Variants in PCDH1 observed in about 807,000 individuals in gnomAD.
PCDH1 encodes protocadherin-1.
A neutral mutation model predicts 74.6 loss-of-function variants in PCDH1; 23 were observed. That is an observed-to-expected ratio of 0.31 (90% CI 0.22 to 0.44). The LOEUF is 0.44. Among genes scored for constraint, PCDH1 ranks in the 20% least tolerant of loss-of-function variants. PCDH1 has a pLI of 1.00. For synonymous variants in PCDH1, 647 were observed against 686.1 expected (o/e 0.94, Z 0.89); for missense variants, 1,214 against 1,641.4 (o/e 0.74, Z 4.50).
At chr5:141,862,646 C>G in intron 3 of PCDH1, 1 of 986,040 alleles carries the variant, frequency 1.0e-6, no homozygotes, top group Non-Finnish European at 1.2e-6. Context: ...AATAAGAAAC[C>G]AAAACTCCAA....
At position 141,854,236 on chromosome 5, in the gene PCDH1, G is replaced by C. The variant is rs1350267982; in HGVS notation, c.3520C>G (p.Pro1174Ala). 1.2e-6 allele frequency: 2 copies of C among 1,611,890 alleles called. No individual in the cohort carries two copies. The highest frequency in any genetic ancestry group is 1.1e-5 in the South Asian group (1 of 90,840). ...QEPAGAGSPS[P>A]PEDRNTKTAP... ...GTTTTGGTGTTCCGGTCTTCCGGGG[G>C]GCTGGGGCTGCCGGCGCCCGCAGGC... Residue 1174 changes from proline to alanine, a missense_variant, in exon 5 of 5, where the codon CCC (proline) becomes GCC (alanine). Around this residue, in one of 4 missense-constraint regions of PCDH1, gnomAD observed 194 missense variants for 198.3 expected, o/e 0.98. Coordinates refer to ENST00000287008, the MANE Select transcript of PCDH1 (RefSeq NM_032420.5).
intron 1 of PCDH1, among the ~76,000 whole-genome samples, chr5:141,873,124 T>C (rs1356741109): frequency 6.6e-6 from 1 of 151,750 alleles, no homozygotes; most frequent in Non-Finnish European, 1.5e-5. Context: ...CCTGAGGTCC[T>C]GCAAACTCTT....
intron 1 of PCDH1, among the ~76,000 whole-genome samples, chr5:141,871,085 T>C (rs1753082844): frequency 6.6e-6 from 1 of 152,222 alleles, no homozygotes; most frequent in South Asian, 2.1e-4. Flanking sequence ...CCCGCCTGTG[T>C]TGTTCAGCTT....
chr5:141,864,682 G>T lies in PCDH1; in HGVS notation c.1649C>A (p.Ala550Asp), dbSNP rs571086743. The T allele has an allele frequency of 8.1e-6, 13 of 1,614,094 alleles. 1 individual carries two copies. In the South Asian group the frequency reaches 1.4e-4, roughly 18 times the overall value. The change falls in exon 3 of 5, where the codon GCT (alanine) becomes GAT (aspartate). Residue 550 changes from alanine to aspartate, a missense_variant. Transcript: ENST00000287008. This position sits in a 1 kb window ranked among gnomAD's most constrained non-coding sequence, Gnocchi z 5.9. Reference sequence around the variant, plus strand: ...TGAGATGGTGAAGAGGCCCTTAGCAGCCGGCTCAGGCTCCAGAGAGTAAAC... The same window carrying T: ...TGAGATGGTGAAGAGGCCCTTAGCATCCGGCTCAGGCTCCAGAGAGTAAAC... ...ELVYSLEPEPAAKGLFTISPE... is the reference protein window; with the variant it reads ...ELVYSLEPEPDAKGLFTISPE...
chr5:141,875,527 C>G (rs1051367436), intron 1 of PCDH1, among the ~76,000 whole-genome samples: 1 of 152,010 alleles, frequency 6.6e-6, no homozygotes. Context: ...CTCGCGGCCC[C>G]CTCCTGGCCC....
In PCDH1 at chr5:141,868,445, A is replaced by C. The variant is rs1291606834; in HGVS notation, c.903+124T>G. On this transcript the variant is annotated intron_variant, in intron 2 of 4. Coordinates refer to ENST00000287008, the MANE Select transcript of PCDH1 (RefSeq NM_032420.5). The surrounding 1 kb of genome is among the most constrained non-coding windows in gnomAD (Gnocchi z 4.8). ...GACTCCCCTGGCTGAGTTTGGGGAG[A>C]AGGGGTCTCACTACAGTATTCTGGC... 7.0e-7 allele frequency: 1 copy of C among 1,437,622 alleles called. No individual in the cohort carries two copies. The highest frequency in any genetic ancestry group is 9.1e-7 in the Non-Finnish European group (1 of 1,098,664). The allele number at this position is 1,437,622 out of a possible 1,614,324, so 89.1% of individuals were successfully genotyped here.
chr5:141,864,000 C>A lies in PCDH1; in HGVS notation c.2331G>T (p.Glu777Asp). Residue 777 changes from glutamate to aspartate, a missense_variant, in exon 3 of 5, where the codon GAG (glutamate) becomes GAT (aspartate). Physicochemically the swap from Glu to Asp is conservative, Grantham distance 45 (BLOSUM62 2). Transcript: ENST00000287008. The surrounding 1 kb of genome is among the most constrained non-coding windows in gnomAD (Gnocchi z 7.5). ...CATGGTGGCGCCGCTCAATCTCCTT[C>A]TCCAGGGTGATGGCACCTGAATGTG... is the stretch of plus-strand genomic sequence containing the variant. ...IGSHSGAITL[E>D]KEIERRHHGL... The A allele has an allele frequency of 1.9e-6, 3 of 1,613,950 alleles. No homozygotes were observed. Among genetic ancestry groups the A allele is most frequent in the Non-Finnish European group, 2.5e-6 (3 of 1,179,966 alleles).
intron 4 of PCDH1, 150 bp downstream of exon 4, chr5:141,857,102 T>G: frequency 3.3e-6 from 2 of 604,288 alleles, no homozygotes; most frequent in South Asian, 2.7e-5. Flanking sequence ...TTCTGGGGAT[T>G]AAATGCGTGT....
At chr5:141,861,161 A>C (rs1752549454) in intron 3 of PCDH1, among the ~76,000 whole-genome samples, 1 of 151,386 alleles carries the variant, frequency 6.6e-6, no homozygotes, top group Admixed American at 6.6e-5. Flanking sequence ...GTAGCAGTAG[A>C]AGTAGTTTCA....
intron 4 of PCDH1, among the ~76,000 whole-genome samples, chr5:141,856,798 A>G (rs1250493015): frequency 6.6e-6 from 1 of 152,044 alleles, no homozygotes; most frequent in Non-Finnish European, 1.5e-5. Context: ...TCCAGGGCCC[A>G]ATCTCTATTC....
At chr5:141,854,702 G>C (rs866431014) in intron 4 of PCDH1, among the ~76,000 whole-genome samples, 4 of 151,940 alleles carry the variant, frequency 2.6e-5, no homozygotes, top group Non-Finnish European at 2.9e-5. Context: ...ATGGAGTCTT[G>C]CTCTTGTCAC....
intron 1 of PCDH1, among the ~76,000 whole-genome samples, chr5:141,877,142 CGA>C (rs566574009): frequency 2.0e-5 from 3 of 152,174 alleles, no homozygotes; most frequent in South Asian, 4.1e-4. Context: ...ATCTGGACTC[CGA>C]GAGAGAGGAA....
chr5:141,877,923 C>T (rs1753280634), intron 1 of PCDH1, among the ~76,000 whole-genome samples: 2 of 152,208 alleles, frequency 1.3e-5, no homozygotes, highest in South Asian at 4.1e-4. Context: ...GCCGCGCGCT[C>T]CTGGAGTCTC....
intron 1 of PCDH1, among the ~76,000 whole-genome samples, chr5:141,872,424 T>C (rs1753117576): frequency 6.6e-6 from 1 of 152,272 alleles, no homozygotes; most frequent in African/African-American, 2.4e-5. Flanking sequence ...TCGAGGATAC[T>C]TAAGATAGTT....
chr5:141,878,077 G>A lies in PCDH1; in HGVS notation c.40+146C>T, dbSNP rs11956238. On this transcript the variant is annotated intron_variant, in intron 1 of 4. Coordinates refer to ENST00000287008, the MANE Select transcript of PCDH1 (RefSeq NM_032420.5). This position sits in a 1 kb window ranked among gnomAD's most constrained non-coding sequence, Gnocchi z 5.5. ...CCGCATCCCCTGCTATGGGCTCCCA[G>A]CAGCCCCCACCTCAGCCCCCTCGCG... 1 of 651,832 alleles carries A rather than the reference G, an allele frequency of 1.5e-6. No homozygotes were observed. The highest frequency in any genetic ancestry group is 2.2e-6 in the Non-Finnish European group (1 of 447,336). The allele number at this position is 651,832 out of a possible 1,614,324, so 40.4% of individuals were successfully genotyped here.
chr5:141,856,159 G>A, intron 4 of PCDH1: 2 of 1,444,186 alleles, frequency 1.4e-6, no homozygotes, highest in African/African-American at 1.4e-5. Flanking sequence ...TGGGCACTGG[G>A]TGGGTGAGGC....
At chr5:141,861,218 C>G (rs1472607869) in intron 3 of PCDH1, among the ~76,000 whole-genome samples, 1 of 151,374 alleles carries the variant, frequency 6.6e-6, no homozygotes, top group African/African-American at 2.4e-5. Context: ...TCATTCGACT[C>G]AAGACACTCA....
At position 141,865,192 on chromosome 5, in the gene PCDH1, A is replaced by T. The variant is rs773477285; in HGVS notation, c.1139T>A (p.Met380Lys). ...CTCAATGGTGGGGGCATTGTCATTC[A>T]TGTCCTTCACGGTCACAACCACCTG... is the stretch of plus-strand genomic sequence containing the variant. ...RAQVVVTVKD[M>K]NDNAPTIEIR... Residue 380 changes from methionine to lysine, a missense_variant, in exon 3 of 5, where the codon ATG (methionine) becomes AAG (lysine). Transcript: ENST00000287008. The surrounding 1 kb of genome is among the most constrained non-coding windows in gnomAD (Gnocchi z 4.4). 1 of 1,614,102 alleles carries T rather than the reference A, an allele frequency of 6.2e-7. No individual in the cohort carries two copies. The highest frequency in any genetic ancestry group is 1.1e-5 in the South Asian group (1 of 91,068).
intron 3 of PCDH1, 80 bp from the exon 4 acceptor site, chr5:141,857,551 C>T: frequency 1.7e-6 from 2 of 1,203,198 alleles, no homozygotes; most frequent in East Asian, 5.1e-5. Flanking sequence ...TAGTACAAGC[C>T]AAGCACCATC....
Sources: allele counts gnomAD v4.1 joint callset (sites outside exome capture counted in the v4.1 genomes callset), GRCh38; gene constraint gnomAD v4.1.1; regional missense constraint gnomAD v4.1.1; non-coding constraint Gnocchi (gnomAD v3.1); transcripts MANE v1.5; gene names NCBI Gene and HGNC (gene_info 2026-07-23, HGNC 2026-07-21).